The following FNDC3B variants were observed in gnomAD, a reference collection of about 807,000 sequenced individuals.
The protein encoded by FNDC3B is fibronectin type III domain-containing protein 3B.
A neutral mutation model predicts 151.5 loss-of-function variants in FNDC3B; 12 were observed. That is an observed-to-expected ratio of 0.08 (90% CI 0.05 to 0.13). The LOEUF (loss-of-function observed/expected upper bound fraction) is 0.13. Among genes scored for constraint, FNDC3B ranks in the 10% least tolerant of loss-of-function variants. FNDC3B has a pLI of 1.00. For synonymous variants in FNDC3B, 528 were observed against 549.0 expected (o/e 0.96, Z 0.54); for missense variants, 1,214 against 1,505.3 (o/e 0.81, Z 3.20).
chr3:172,257,660 C>T (rs1307036848), intron 6 of FNDC3B, among the ~76,000 whole-genome samples: 2 of 151,958 alleles, frequency 1.3e-5, no homozygotes, highest in Admixed American at 6.6e-5. Flanking sequence ...AGTGGAGGAC[C>T]TGGGTCCTTG....
At chr3:172,113,270 T>C (rs1355925541) in intron 2 of FNDC3B, among the ~76,000 whole-genome samples, 1 of 152,244 alleles carries the variant, frequency 6.6e-6, no homozygotes, top group Non-Finnish European at 1.5e-5. Flanking sequence ...TCTTTGTACA[T>C]CCTTCAGAAG....
intron 6 of FNDC3B, 35 bp from the exon 7 acceptor site, chr3:172,285,891 G>A (rs774715208): frequency 6.4e-7 from 1 of 1,553,958 alleles, no homozygotes; most frequent in Non-Finnish European, 8.9e-7. Flanking sequence ...CCTTCTAATG[G>A]TATTGTTTTT....
At chr3:172,041,359 TTTTCTTTCTTTC>T (rs34854407) in intron 1 of FNDC3B, among the ~76,000 whole-genome samples, 8 of 149,136 alleles carry the variant, frequency 5.4e-5, no homozygotes, top group Non-Finnish European at 8.9e-5. Flanking sequence ...TTAAAAATCG[TTTTCTTTCTTTC>T]TTTCTTTCTT....
chr3:172,046,527 GGC>G (rs997448187), intron 1 of FNDC3B, among the ~76,000 whole-genome samples: 49 of 151,700 alleles, frequency 3.2e-4, no homozygotes, highest in African/African-American at 1.1e-3. Context: ...TTCACTTTGT[GGC>G]TCAGGCTGGT....
intron 3 of FNDC3B, among the ~76,000 whole-genome samples, chr3:172,215,540 A>G (rs1406156974): frequency 6.6e-6 from 1 of 152,232 alleles, no homozygotes; most frequent in Non-Finnish European, 1.5e-5. Flanking sequence ...CCTGACCAAC[A>G]TGGTGAAACC....
chr3:172,260,075 C>T (rs1728569388), intron 6 of FNDC3B, among the ~76,000 whole-genome samples: 1 of 152,200 alleles, frequency 6.6e-6, no homozygotes, highest in South Asian at 2.1e-4. Context: ...TTCTTGGGAA[C>T]TGATCATGAC....
chr3:172,156,766 A>C (rs1298655721), intron 3 of FNDC3B, among the ~76,000 whole-genome samples: 1 of 151,724 alleles, frequency 6.6e-6, no homozygotes, highest in South Asian at 2.1e-4. Context: ...AAAAGCAGCT[A>C]ATTAATCTGT....
rs893141642 is a variant in FNDC3B, at chr3:172,399,454, C to T, written c.*1979C>T. 1 of 152,526 alleles carries T rather than the reference C, an allele frequency of 6.6e-6. No homozygotes were observed. The highest frequency in any genetic ancestry group is 2.4e-5 in the African/African-American group (1 of 41,438). The allele number at this position is 152,526 out of a possible 1,614,324, so 9.4% of individuals were successfully genotyped here. A position where few individuals can be genotyped will look rare whatever the true frequency, so the allele number is the denominator to read the frequency against. ...ACATGTACCCAAAAACCATAATCAT[C>T]TCTTGGAAGAAAATGCTGAGATCAA... is the stretch of plus-strand genomic sequence containing the variant. On this transcript the variant is annotated 3_prime_UTR_variant, in exon 26 of 26. Coordinates refer to ENST00000415807, the MANE Select transcript of FNDC3B (RefSeq NM_022763.4).
At chr3:172,381,861 A>G (rs2108374364) in intron 25 of FNDC3B, among the ~76,000 whole-genome samples, 1 of 152,252 alleles carries the variant, frequency 6.6e-6, no homozygotes, top group Non-Finnish European at 1.5e-5. Context: ...TTCTTTATCC[A>G]GTCTAACATT....
intron 4 of FNDC3B, among the ~76,000 whole-genome samples, chr3:172,245,035 C>CT (rs1333667387): frequency 6.6e-6 from 1 of 151,946 alleles, no homozygotes; most frequent in Non-Finnish European, 1.5e-5. Context: ...AAATAAAAAC[C>CT]TTTTACAAAT....
chr3:172,199,198 T>A (rs1435425755), intron 3 of FNDC3B, among the ~76,000 whole-genome samples: 1 of 151,410 alleles, frequency 6.6e-6, no homozygotes, highest in South Asian at 2.1e-4. Context: ...TTTTTTTTTT[T>A]TGAGACGGAG....
chr3:172,281,220 TATTTA>T (rs1729702063), intron 6 of FNDC3B, among the ~76,000 whole-genome samples: 2 of 78,616 alleles, frequency 2.5e-5, no homozygotes, highest in Admixed American at 2.3e-4. Context: ...TATTTATATT[TATTTA>T]TTTATTTATT....
chr3:172,187,382 C>T (rs1311223975), intron 3 of FNDC3B: 2 of 152,176 alleles, frequency 1.3e-5, no homozygotes, highest in African/African-American at 2.4e-5. Flanking sequence ...GGCTGAACTT[C>T]TTGCCAGTAG....
At chr3:172,354,497 A>G (rs1006525159) in intron 22 of FNDC3B, among the ~76,000 whole-genome samples, 11 of 146,578 alleles carry the variant, frequency 7.5e-5, no homozygotes, top group African/African-American at 2.7e-4. Context: ...ATAAACAATA[A>G]AAAAAAATAA....
At chr3:172,073,607 G>A (rs1022854183) in intron 1 of FNDC3B, among the ~76,000 whole-genome samples, 1 of 152,174 alleles carries the variant, frequency 6.6e-6, no homozygotes, top group African/African-American at 2.4e-5. Context: ...AAAGGTAGTT[G>A]TGATGAGTGA....
At chr3:172,325,980 C>T (rs912955522) in intron 11 of FNDC3B, among the ~76,000 whole-genome samples, 5 of 152,144 alleles carry the variant, frequency 3.3e-5, no homozygotes, top group Admixed American at 6.5e-5. Flanking sequence ...TCTACCACCA[C>T]GCCTGGGTAA....
intron 25 of FNDC3B, among the ~76,000 whole-genome samples, chr3:172,382,185 C>T (rs1735478770): frequency 1.3e-5 from 2 of 152,326 alleles, no homozygotes; most frequent in African/African-American, 4.8e-5. Context: ...GAAATGGTAT[C>T]TCATAGTAGT....
At chr3:172,197,432 G>A (rs1360025898) in intron 3 of FNDC3B, among the ~76,000 whole-genome samples, 1 of 152,162 alleles carries the variant, frequency 6.6e-6, no homozygotes, top group Non-Finnish European at 1.5e-5. Context: ...CATAAACAAG[G>A]ATGTTCATCT....
rs1247361397 is a variant in FNDC3B at position 172,400,128 on chromosome 3, C to A, written c.*2653C>A. ...ACAATAAAATAAAGTGTTCTATTAA[C>A]CTGATCTCTTTGCCCTTTTGCTATG... On this transcript the variant is annotated 3_prime_UTR_variant, in exon 26 of 26. Coordinates refer to ENST00000415807, the MANE Select transcript of FNDC3B (RefSeq NM_022763.4). 1 of 152,122 alleles carries A rather than the reference C, an allele frequency of 6.6e-6. No homozygotes were observed. Among genetic ancestry groups the A allele is most frequent in the Non-Finnish European group, 1.5e-5 (1 of 68,020 alleles). The allele number at this position is 152,122 out of a possible 1,614,324, so 9.4% of individuals were successfully genotyped here.
Sources: allele counts gnomAD v4.1 joint callset (sites outside exome capture counted in the v4.1 genomes callset), GRCh38; gene constraint gnomAD v4.1.1; transcripts MANE v1.5; gene names NCBI Gene and HGNC (gene_info 2026-07-23, HGNC 2026-07-21).